APBA2: variants seen among roughly 807,000 people sequenced by gnomAD.
APBA2 encodes amyloid beta precursor protein binding family A member 2, also known as amyloid-beta A4 precursor protein-binding family A member 2.
APBA2 carries 30 observed loss-of-function variants against 75.0 expected under a neutral mutation model. The ratio of observed to expected loss-of-function variants is 0.40; its 90% confidence interval spans 0.30 to 0.54. The LOEUF (loss-of-function observed/expected upper bound fraction) is 0.54, where lower values mean the gene tolerates loss of function less well. Ranked by LOEUF, APBA2 falls within the 20% of genes least tolerant of loss-of-function variation. The probability of loss-of-function intolerance (pLI) is 0.49; values close to 1 mark genes in which losing one functional copy is unlikely to be tolerated. For synonymous variants in APBA2, 444 were observed against 409.6 expected, an observed-to-expected ratio of 1.08 and a Z score of -1.01; for missense variants, 801 against 1,016.1, an observed-to-expected ratio of 0.79 and a Z score of 2.88.
intron 1 of APBA2, among the ~76,000 whole-genome samples, chr15:28,887,558 T>C (rs2152595661): frequency 1.3e-5 from 2 of 152,176 alleles, no homozygotes; most frequent in South Asian, 4.2e-4. Context: ...GGTTTCCCAG[T>C]CCAGGGCGTC....
At chr15:28,985,758 T>C (rs1595652097) in intron 2 of APBA2, among the ~76,000 whole-genome samples, 1 of 152,228 alleles carries the variant, frequency 6.6e-6, no homozygotes, top group East Asian at 1.9e-4. Flanking sequence ...CTGGATCCGG[T>C]TGACTCTGTC....
intron 2 of APBA2, among the ~76,000 whole-genome samples, chr15:28,992,076 G>A (rs2038263946): frequency 6.6e-6 from 1 of 152,216 alleles, no homozygotes; most frequent in South Asian, 2.1e-4. Context: ...TGCTTAGGGA[G>A]ATGGGTTCCT....
intron 3 of APBA2, among the ~76,000 whole-genome samples, chr15:29,025,432 A>C (rs2152836066): frequency 6.6e-6 from 1 of 151,846 alleles, no homozygotes; most frequent in South Asian, 2.1e-4. Context: ...TGCCCAGCTA[A>C]TTTTTTTGTA....
At chr15:28,946,102 G>A (rs975209010) in intron 2 of APBA2, among the ~76,000 whole-genome samples, 1 of 152,212 alleles carries the variant, frequency 6.6e-6, no homozygotes, top group South Asian at 2.1e-4. Context: ...TTTAGATCTT[G>A]ATTTTGTTGC....
rs538828878 is a variant in APBA2, at chr15:28,956,061, C to T, written c.-95+34312C>T. The stretch of plus-strand genomic sequence containing the variant: ...ACATCACATCCGGTCCAGCTCTGGC[C>T]TGAGGACTCCGGTCTGTGGTTTCTA... On this transcript the variant is annotated intron_variant, in intron 2 of 14. Coordinates refer to ENST00000683413, the MANE Select transcript of APBA2 (RefSeq NM_001353788.2). 1.4e-4 allele frequency among the ~76,000 whole-genome samples: 21 copies of T among 152,304 alleles called. No homozygotes were observed. The South Asian group carries it at 4.4e-3, about 32-fold the overall frequency.
At chr15:29,017,450 A>G (rs528637253) in intron 3 of APBA2, among the ~76,000 whole-genome samples, 25 of 120,384 alleles carry the variant, frequency 2.1e-4, no homozygotes, top group South Asian at 5.5e-4. Context: ...GCCCACTGCA[A>G]CCTCCACCTC....
chr15:29,078,536 G>A (rs1296246538), intron 6 of APBA2, among the ~76,000 whole-genome samples: 4 of 151,544 alleles, frequency 2.6e-5, no homozygotes, highest in East Asian at 1.9e-4. Context: ...ACTTGAACCC[G>A]GGAGGCGGAG....
Position 28,950,784 on chromosome 15 carries a change from T to A in APBA2, c.-95+29035T>A, listed in dbSNP as rs183184385. Among the ~76,000 whole-genome samples the A allele has an allele frequency of 9.2e-5, 14 of 152,324 alleles. No homozygotes were observed. In the East Asian group the frequency reaches 2.7e-3, roughly 29 times the overall value. On this transcript the variant is annotated intron_variant, in intron 2 of 14. Transcript: ENST00000683413. ...ATATCTGTATAAATTATTTGGAATA[T>A]TTCTGTATGGGGGACTTATCTATTC...
At position 28,956,658 on chromosome 15, in the gene APBA2, C is replaced by T. The variant is rs184026119; in HGVS notation, c.-95+34909C>T. On this transcript the variant is annotated intron_variant, in intron 2 of 14. Transcript: ENST00000683413. Reference sequence around the variant, plus strand: ...ATTTACACGGTTGTGCAACCATCACCCCATCCACCTCCAGAGCTCTCCTCA... The same window carrying T: ...ATTTACACGGTTGTGCAACCATCACTCCATCCACCTCCAGAGCTCTCCTCA... Among the ~76,000 whole-genome samples the T allele has an allele frequency of 2.0e-5, 3 of 152,118 alleles. No homozygotes were observed. The East Asian group carries it at 5.8e-4, about 29-fold the overall frequency.
At chr15:28,984,300 GT>G (rs1259443565) in intron 2 of APBA2, among the ~76,000 whole-genome samples, 2 of 152,026 alleles carry the variant, frequency 1.3e-5, no homozygotes, top group African/African-American at 4.8e-5. Context: ...GCCGGTGTGT[GT>G]TTCCCACTGA....
intron 2 of APBA2, chr15:28,990,832 C>T (rs953570780): frequency 5.9e-5 from 9 of 152,214 alleles, no homozygotes; most frequent in Non-Finnish European, 8.8e-5. Context: ...TGACCATTTT[C>T]ATGATAGCAA....
intron 3 of APBA2, among the ~76,000 whole-genome samples, chr15:29,052,336 T>A (rs181518490): frequency 2.6e-5 from 4 of 151,114 alleles, no homozygotes; most frequent in Non-Finnish European, 5.9e-5. Flanking sequence ...ACACCTGTAG[T>A]CCCAGCTACT....
At chr15:29,056,636 C>CT (rs2041912273) in intron 4 of APBA2, among the ~76,000 whole-genome samples, 1 of 96,254 alleles carries the variant, frequency 1.0e-5, no homozygotes, top group Non-Finnish European at 1.9e-5. Context: ...CTCCCTCCCT[C>CT]CTCTCTCTCT....
intron 3 of APBA2, among the ~76,000 whole-genome samples, chr15:29,005,045 C>T (rs2039041357): frequency 1.3e-5 from 2 of 152,088 alleles, no homozygotes; most frequent in Non-Finnish European, 2.9e-5. Flanking sequence ...TTTTGTGTTT[C>T]TAACAACCCC....
intron 6 of APBA2, among the ~76,000 whole-genome samples, chr15:29,084,916 G>C (rs2043222939): frequency 3.9e-5 from 6 of 152,190 alleles, no homozygotes; most frequent in Admixed American, 3.9e-4. Flanking sequence ...TTTAGACATA[G>C]AGGCTTGATC....
chr15:29,088,012 G>A (rs562656874), intron 6 of APBA2, among the ~76,000 whole-genome samples: 21 of 152,176 alleles, frequency 1.4e-4, no homozygotes, highest in African/African-American at 3.4e-4. Context: ...TTTCACAGCC[G>A]GAATCTGGGA....
Position 29,116,627 on chromosome 15 carries a change from CAA to C in APBA2, c.2179-420_2179-419del, listed in dbSNP as rs531479741. On this transcript the variant is annotated intron_variant, in intron 14 of 14. Transcript: ENST00000683413. ...TGGGCGACAGAGCAAGACTCCGTCT[CAA>C]AAAAAAAAAAAAAAGAAGGGGTGCG... Among the ~76,000 whole-genome samples, 593 of 116,694 alleles carry C rather than the reference CAA, an allele frequency of 5.1e-3. 3 individuals carry two copies. The highest frequency in any genetic ancestry group is 0.017 in the African/African-American group (556 of 33,548). 76.6% of individuals were successfully genotyped at this position (116,694 alleles called of 152,430 possible). A position where few individuals can be genotyped will look rare whatever the true frequency, so the allele number is the denominator to read the frequency against.
chr15:29,070,048 G>T (rs1200951709), intron 4 of APBA2, among the ~76,000 whole-genome samples: 1 of 152,198 alleles, frequency 6.6e-6, no homozygotes, highest in Non-Finnish European at 1.5e-5. Flanking sequence ...CTATCAGCCT[G>T]TCTGCCCCCT....
intron 2 of APBA2, among the ~76,000 whole-genome samples, chr15:28,931,857 T>C (rs1318086157): frequency 6.6e-6 from 1 of 152,246 alleles, no homozygotes; most frequent in African/African-American, 2.4e-5. Context: ...TGGAAATAAT[T>C]GCAGAGTAAT....
Sources: gnomAD v4.1 joint callset for allele counts (sites outside exome capture counted in the v4.1 genomes callset) on GRCh38, gnomAD v4.1.1 for gene constraint, MANE v1.5 for transcripts, NCBI Gene and HGNC (gene_info 2026-07-23, HGNC 2026-07-21) for gene names.